CCDC7: variants seen among roughly 807,000 people sequenced by gnomAD.
CCDC7 encodes the protein coiled-coil domain containing 7, also known as coiled-coil domain-containing protein 7.
In CCDC7, 183 loss-of-function variants were observed where a neutral mutation model predicts 196.9. That is an observed-to-expected ratio of 0.93 (90% CI 0.82 to 1.05). The LOEUF is 1.05. CCDC7 is among the 50% of genes least tolerant of loss of function. CCDC7 has a pLI of 0.00. For synonymous variants in CCDC7, 525 were observed against 484.6 expected, an observed-to-expected ratio of 1.08 and a Z score of -1.10; for missense variants, 1,540 against 1,482.2, an observed-to-expected ratio of 1.04 and a Z score of -0.64.
At chr10:32,598,170 G>A (rs1464403693) in intron 18 of CCDC7, among the ~76,000 whole-genome samples, 1 of 152,148 alleles carries the variant, frequency 6.6e-6, no homozygotes, top group Admixed American at 6.5e-5. Flanking sequence ...GAGCTTCCTG[G>A]CGGCTTTGTT....
chr10:32,640,146 A>C lies in CCDC7; in HGVS notation c.2014+4988A>C, dbSNP rs1031670111. ...GTCTAATGTTGACAGTGGGGTGTTAAAGTCTCCCATTATTATTTTGTGGGA... is the reference window on the plus strand; with the variant it reads ...GTCTAATGTTGACAGTGGGGTGTTACAGTCTCCCATTATTATTTTGTGGGA... On this transcript the variant is annotated intron_variant, in intron 20 of 41. Transcript: ENST00000639629. Among the ~76,000 whole-genome samples the C allele has an allele frequency of 5.3e-5, 8 of 152,178 alleles. No individual in the cohort carries two copies. In the East Asian group the frequency reaches 1.5e-3, roughly 29 times the overall value.
At chr10:32,457,949 T>C (rs1025736172) in intron 3 of CCDC7, among the ~76,000 whole-genome samples, 1 of 152,090 alleles carries the variant, frequency 6.6e-6, no homozygotes, top group Non-Finnish European at 1.5e-5. Flanking sequence ...AATTTTTTTT[T>C]GCAAATATCT....
At chr10:32,612,718 T>A (rs2062305480) in intron 18 of CCDC7, among the ~76,000 whole-genome samples, 1 of 152,162 alleles carries the variant, frequency 6.6e-6, no homozygotes, top group Non-Finnish European at 1.5e-5. Context: ...TGGATTACAT[T>A]TATTGATTTG....
intron 21 of CCDC7, among the ~76,000 whole-genome samples, chr10:32,671,807 A>G (rs1268266839): frequency 6.6e-6 from 1 of 152,022 alleles, no homozygotes; most frequent in African/African-American, 2.4e-5. Flanking sequence ...CATGAGATTG[A>G]GAGTTGTGTC....
At chr10:32,635,264 T>C in intron 20 of CCDC7, 106 bp downstream of exon 21, 1 of 386,160 alleles carries the variant, frequency 2.6e-6, no homozygotes, top group Non-Finnish European at 4.6e-6. Context: ...TTATTTTGTG[T>C]ATACTTCTAG....
intron 24 of CCDC7, among the ~76,000 whole-genome samples, chr10:32,704,309 A>T (rs918711007): frequency 2.6e-5 from 4 of 152,126 alleles, no homozygotes; most frequent in Non-Finnish European, 4.4e-5. Flanking sequence ...CAGCAGCGGA[A>T]GCTGCAGAAC....
intron 8 of CCDC7, among the ~76,000 whole-genome samples, chr10:32,484,020 G>C (rs941145432): frequency 9.9e-5 from 15 of 151,930 alleles, no homozygotes; most frequent in African/African-American, 2.9e-4. Context: ...TAGTTTTTTC[G>C]AATTCTATGA....
intron 9 of CCDC7, among the ~76,000 whole-genome samples, chr10:32,509,730 T>G (rs2045812894): frequency 6.6e-6 from 1 of 152,154 alleles, no homozygotes; most frequent in African/African-American, 2.4e-5. Flanking sequence ...ATTAAAGGAC[T>G]TGAATAGATA....
At chr10:32,567,045 TATATATAATATATATAGCTA>T (rs1301046886) in intron 14 of CCDC7, among the ~76,000 whole-genome samples, 6 of 145,996 alleles carry the variant, frequency 4.1e-5, no homozygotes, top group African/African-American at 1.2e-4. Flanking sequence ...ATAGCTAATA[TATATATAATATATATAGCTA>T]ATATATAATA....
At chr10:32,654,438 T>G (rs542737533) in intron 20 of CCDC7, among the ~76,000 whole-genome samples, 22 of 152,352 alleles carry the variant, frequency 1.4e-4, no homozygotes, top group African/African-American at 5.0e-4. Context: ...ATTCTGAAAA[T>G]TAGATTACTC....
At chr10:32,604,221 A>G (rs754494969) in intron 18 of CCDC7, among the ~76,000 whole-genome samples, 2 of 152,102 alleles carry the variant, frequency 1.3e-5, no homozygotes, top group Non-Finnish European at 2.9e-5. Context: ...TGTTCATGGC[A>G]CCTTTGTAAA....
chr10:32,703,491 T>A (rs2141617117), intron 24 of CCDC7, among the ~76,000 whole-genome samples: 1 of 152,086 alleles, frequency 6.6e-6, no homozygotes, highest in South Asian at 2.1e-4. Context: ...CAATTATGAG[T>A]CTTGGAGTTG....
chr10:32,633,682 G>GTATATATATATATA lies in CCDC7; in HGVS notation c.1802-570_1802-557dup, dbSNP rs139788574. 1.8e-4 allele frequency among the ~76,000 whole-genome samples: 22 copies of GTATATATATATATA among 121,754 alleles called. No homozygotes were observed. In the East Asian group the frequency reaches 2.4e-3, roughly 14 times the overall value. The allele number at this position is 121,754 out of a possible 152,430, so 79.9% of individuals were successfully genotyped here. ...TCTAATTCTATTGATTTAGCTTTGT[G>GTATATATATATATA]TATATATATATATATGTGTGTGTGT... On this transcript the variant is annotated intron_variant, in intron 18 of 41. Transcript: ENST00000639629.
chr10:32,496,521 G>A (rs1351236550), intron 9 of CCDC7, among the ~76,000 whole-genome samples: 1 of 152,162 alleles, frequency 6.6e-6, no homozygotes, highest in Admixed American at 6.5e-5. Flanking sequence ...GATATTGGCT[G>A]TGGGTTTGTC....
chr10:32,597,499 T>G (rs796799442), intron 18 of CCDC7, among the ~76,000 whole-genome samples: 14 of 152,342 alleles, frequency 9.2e-5, no homozygotes, highest in African/African-American at 2.6e-4. Context: ...ATGTTATTAC[T>G]GATCATCTGA....
At chr10:32,601,346 C>T (rs1223382954) in intron 18 of CCDC7, among the ~76,000 whole-genome samples, 5 of 152,248 alleles carry the variant, frequency 3.3e-5, no homozygotes, top group Non-Finnish European at 7.3e-5. Context: ...GCTGGGATTA[C>T]AGGCATGAGC....
intron 28 of CCDC7, among the ~76,000 whole-genome samples, chr10:32,744,373 GAAAA>G (rs544931743): frequency 1.6e-5 from 2 of 125,334 alleles, no homozygotes; most frequent in Non-Finnish European, 3.4e-5. Flanking sequence ...TCCTGCTGGT[GAAAA>G]AAAAAAAAAA....
In CCDC7 at chr10:32,614,160, A is replaced by G. The variant is rs559090876; in HGVS notation, c.1802-20094A>G. Among the ~76,000 whole-genome samples, 14 of 151,522 alleles carry G rather than the reference A, an allele frequency of 9.2e-5. No homozygotes were observed. The East Asian group carries it at 2.7e-3, about 29-fold the overall frequency. Reference sequence around the variant, plus strand: ...GCATTGATCCCTTTACCATTATGTAATGCCCTTCTTTGTTTCTTTTGATCT... The same window carrying G: ...GCATTGATCCCTTTACCATTATGTAGTGCCCTTCTTTGTTTCTTTTGATCT... On this transcript the variant is annotated intron_variant, in intron 18 of 41. Transcript: ENST00000639629.
intron 23 of CCDC7, among the ~76,000 whole-genome samples, chr10:32,693,384 C>T (rs1253447841): frequency 6.6e-6 from 1 of 152,088 alleles, no homozygotes; most frequent in Non-Finnish European, 1.5e-5. Flanking sequence ...AACTATCTCT[C>T]TATTTCCTTC....
Sources: allele counts gnomAD v4.1 joint callset (sites outside exome capture counted in the v4.1 genomes callset), GRCh38; gene constraint gnomAD v4.1.1; transcripts MANE v1.5; gene names NCBI Gene and HGNC (gene_info 2026-07-23, HGNC 2026-07-21).